Variants in ABCA1 observed in about 807,000 individuals in gnomAD.
ABCA1 encodes phospholipid-transporting ATPase ABCA1.
Under a neutral mutation model 262.5 loss-of-function variants are expected in ABCA1, and 133 were observed. That is an observed-to-expected ratio of 0.51 (90% CI 0.44 to 0.59). The LOEUF is 0.59. ABCA1 is among the 20% of genes least tolerant of loss of function. ABCA1 has a pLI of 0.00. For synonymous variants in ABCA1, 1,022 were observed against 1,043.5 expected (o/e 0.98, Z 0.40); for missense variants, 2,452 against 2,777.5 (o/e 0.88, Z 2.63).
intron 1 of ABCA1, among the ~76,000 whole-genome samples, chr9:104,912,766 A>G (rs1349158886): frequency 6.6e-6 from 1 of 152,246 alleles, no homozygotes; most frequent in Non-Finnish European, 1.5e-5. Context: ...AGCACATAGA[A>G]AAAAAGAATC....
Position 104,784,291 on chromosome 9 carries a change from G to A in ABCA1, c.*24C>T. Reference sequence around the variant, plus strand: ...AAAGTCTAGTTCCTCTTTACTTTCAGCCACCCCGTATGAACAGGATTCTTC... The same window carrying A: ...AAAGTCTAGTTCCTCTTTACTTTCAACCACCCCGTATGAACAGGATTCTTC... On this transcript the variant is annotated 3_prime_UTR_variant, in exon 50 of 50. Transcript: ENST00000374736. The A allele has an allele frequency of 6.2e-7, 1 of 1,613,850 alleles. No homozygotes were observed. Among genetic ancestry groups the A allele is most frequent in the Non-Finnish European group, 8.5e-7 (1 of 1,179,922 alleles).
intron 22 of ABCA1, among the ~76,000 whole-genome samples, chr9:104,819,099 G>C (rs1832039537): frequency 6.6e-6 from 1 of 152,176 alleles, no homozygotes; most frequent in Non-Finnish European, 1.5e-5. Context: ...CATTTTATTT[G>C]GGAACTTGCT....
intron 2 of ABCA1, among the ~76,000 whole-genome samples, chr9:104,899,719 T>C (rs1399017980): frequency 6.6e-6 from 1 of 152,006 alleles, no homozygotes; most frequent in Admixed American, 6.6e-5. Context: ...CAATTAACTA[T>C]TTTCCCAGCC....
chr9:104,906,402 T>C (rs1381781031), intron 1 of ABCA1, among the ~76,000 whole-genome samples: 1 of 152,062 alleles, frequency 6.6e-6, no homozygotes, highest in Non-Finnish European at 1.5e-5. Context: ...TTCTTGGAAG[T>C]AAAGTGTCTG....
intron 48 of ABCA1, among the ~76,000 whole-genome samples, 199 bp downstream of exon 48, chr9:104,786,099 G>A (rs1350051573): frequency 6.6e-6 from 1 of 152,150 alleles, no homozygotes; most frequent in African/African-American, 2.4e-5. Flanking sequence ...TAAGTCACTT[G>A]CCCAAGAGTC....
intron 1 of ABCA1, among the ~76,000 whole-genome samples, chr9:104,913,646 G>A (rs1003809779): frequency 6.6e-6 from 1 of 152,118 alleles, no homozygotes; most frequent in Non-Finnish European, 1.5e-5. Flanking sequence ...GTATCCTGTT[G>A]CCACTTCTGA....
intron 1 of ABCA1, among the ~76,000 whole-genome samples, chr9:104,916,852 AT>A (rs1177681703): frequency 3.6e-5 from 5 of 137,660 alleles, no homozygotes; most frequent in Non-Finnish European, 6.3e-5. Context: ...GCCAGAAAAT[AT>A]GTCTTTTTGA....
chr9:104,837,110 G>C lies in ABCA1; in HGVS notation c.1195-14C>G. ...GGTCTTGTTCACCTGGAGTCAGGTG[G>C]GGAGCCAGGGACCGCAGAAAAAGGA... On this transcript the variant is annotated splice_polypyrimidine_tract_variant and intron_variant, in intron 10 of 49. Coordinates refer to ENST00000374736, the MANE Select transcript of ABCA1 (RefSeq NM_005502.4). 1 of 1,590,710 alleles carries C rather than the reference G, an allele frequency of 6.3e-7. No individual in the cohort carries two copies. The highest frequency in any genetic ancestry group is 2.2e-5 in the East Asian group (1 of 44,764).
intron 9 of ABCA1, among the ~76,000 whole-genome samples, chr9:104,839,862 G>A (rs1834207752): frequency 6.6e-6 from 1 of 152,170 alleles, no homozygotes; most frequent in Admixed American, 6.5e-5. Context: ...TCATCACGAT[G>A]TACATCAAGA....
At chr9:104,857,509 G>A (rs1299265020) in intron 7 of ABCA1, among the ~76,000 whole-genome samples, 2 of 152,128 alleles carry the variant, frequency 1.3e-5, no homozygotes, top group Non-Finnish European at 1.5e-5. Context: ...TGGGATTACA[G>A]GCGTGAGCCA....
chr9:104,846,354 A>G (rs77018661), intron 7 of ABCA1, among the ~76,000 whole-genome samples: 2 of 152,230 alleles, frequency 1.3e-5, no homozygotes, highest in African/African-American at 2.4e-5. Flanking sequence ...TTATTTGTCA[A>G]GCAGGAAAAA....
chr9:104,792,988 AC>A, intron 41 of ABCA1, 82 bp from the exon 42 acceptor site: 2 of 1,605,980 alleles, frequency 1.2e-6, no homozygotes, highest in Non-Finnish European at 1.7e-6. Context: ...GTATTATAAA[AC>A]CTACTTGCCA....
rs1297335784 is a variant in ABCA1, at chr9:104,827,125, G to A, written c.2160C>T (p.Val720=). ...LPYSDPSVVF[V]FLSVFAVVTI... ...TCACCACAGCAAACACGGACAGGAA[G>A]ACAAACACCACGCTGGGATCACTGT... The change falls in exon 16 of 50, where the codon GTC becomes GTT. Residue 720 remains valine, a synonymous_variant. Coordinates refer to ENST00000374736, the MANE Select transcript of ABCA1 (RefSeq NM_005502.4). The A allele has an allele frequency of 3.1e-6, 5 of 1,614,208 alleles. No individual in the cohort carries two copies. In the South Asian group the frequency reaches 5.5e-5, roughly 18 times the overall value.
chr9:104,802,039 C>T lies in ABCA1; in HGVS notation c.4698+15G>A, dbSNP rs376110407. ...ATGCCCATTTTTCTGATACATCTTA[C>T]GATAGATATTTTACCTTGGCCAGCT... On this transcript the variant is annotated intron_variant, in intron 34 of 49. Transcript: ENST00000374736. 7.0e-5 allele frequency: 113 copies of T among 1,611,942 alleles called. No homozygotes were observed. The highest frequency in any genetic ancestry group is 1.7e-4 in the Middle Eastern group (1 of 6,054).
chr9:104,840,706 A>C (rs1834289699), intron 8 of ABCA1, among the ~76,000 whole-genome samples, 187 bp from the exon 9 acceptor site: 1 of 152,174 alleles, frequency 6.6e-6, no homozygotes, highest in African/African-American at 2.4e-5. Flanking sequence ...TGGCTACCCA[A>C]TCTGTGGTCC....
chr9:104,832,613 C>T lies in ABCA1; in HGVS notation c.1470G>A (p.Glu490=). 6.2e-7 allele frequency: 1 copy of T among 1,614,190 alleles called. No individual in the cohort carries two copies. Among genetic ancestry groups the T allele is most frequent in the Non-Finnish European group, 8.5e-7 (1 of 1,180,040 alleles). Residue 490 remains glutamate (E), a synonymous_variant, in exon 12 of 50, where the codon GAG becomes GAA. Transcript: ENST00000374736. ...ATATGGTCCGGATTGCCTGGTTAGT[C>T]TCGTTGAAAGCTTCTCTCCAGGTGT... ...SVYTWREAFN[E]TNQAIRTISR...
chr9:104,790,077 T>TAAG (rs1829287812), intron 44 of ABCA1, among the ~76,000 whole-genome samples: 1 of 146,964 alleles, frequency 6.8e-6, no homozygotes, highest in South Asian at 2.1e-4. Context: ...GCCTGGGCAG[T>TAAG]AAGAGTGAAA....
At chr9:104,896,780 G>GA (rs1840267473) in intron 2 of ABCA1, among the ~76,000 whole-genome samples, 1 of 122,634 alleles carries the variant, frequency 8.2e-6, no homozygotes, top group Non-Finnish European at 1.6e-5. Context: ...GCCCAGGCTG[G>GA]AGTACAGTAG....
chr9:104,790,891 G>C (rs542201965), intron 44 of ABCA1, 31 bp downstream of exon 44: 1 of 1,418,380 alleles, frequency 7.1e-7, no homozygotes, highest in South Asian at 1.2e-5. Flanking sequence ...CAAAGTCTTT[G>C]CAGCAAAATA....
Sources: gnomAD v4.1 joint callset for allele counts (sites outside exome capture counted in the v4.1 genomes callset) on GRCh38, gnomAD v4.1.1 for gene constraint, MANE v1.5 for transcripts, NCBI Gene and HGNC (gene_info 2026-07-23, HGNC 2026-07-21) for gene names.